MACROD2: variants seen among roughly 807,000 people sequenced by gnomAD.
The protein encoded by MACROD2 is ADP-ribose glycohydrolase MACROD2.
In MACROD2, 36 loss-of-function variants were observed where a neutral mutation model predicts 70.4. The ratio of observed to expected loss-of-function variants is 0.51; its 90% CI spans 0.39 to 0.68. The LOEUF is 0.68. Ranked by LOEUF, MACROD2 falls within the 30% of genes least tolerant of loss-of-function variation. The probability of loss-of-function intolerance (pLI) is 0.00; values close to 1 mark genes in which losing one functional copy is unlikely to be tolerated. For missense variants in MACROD2, 496 were observed against 538.4 expected (o/e 0.92, Z 0.78); for synonymous variants, 172 against 178.8 (o/e 0.96, Z 0.30).
At chr20:14,860,612 C>A (rs1451637288) in intron 5 of MACROD2, among the ~76,000 whole-genome samples, 1 of 152,116 alleles carries the variant, frequency 6.6e-6, no homozygotes, top group Non-Finnish European at 1.5e-5. Flanking sequence ...TCACTGGCCC[C>A]TTTGATGCTT....
intron 10 of MACROD2, among the ~76,000 whole-genome samples, chr20:15,911,312 T>G (rs1389650511): frequency 6.6e-6 from 1 of 152,236 alleles, no homozygotes; most frequent in East Asian, 1.9e-4. Flanking sequence ...CGGTATGCCT[T>G]CTATTCTAGT....
At chr20:15,677,660 AAACCAACCAACCAACC>A (rs775056693) in intron 8 of MACROD2, among the ~76,000 whole-genome samples, 1 of 133,364 alleles carries the variant, frequency 7.5e-6, no homozygotes, top group Non-Finnish European at 1.6e-5. Flanking sequence ...ACCCTCAGGA[AAACCAACCAACCAACC>A]AACCAACCAA....
At chr20:15,547,640 T>C (rs1013848480) in intron 8 of MACROD2, among the ~76,000 whole-genome samples, 7 of 152,254 alleles carry the variant, frequency 4.6e-5, no homozygotes, top group Non-Finnish European at 1.0e-4. Flanking sequence ...TAATGTGTAA[T>C]GTGATCGCAA....
chr20:15,323,961 T>C (rs971057468), intron 6 of MACROD2, among the ~76,000 whole-genome samples: 1 of 152,118 alleles, frequency 6.6e-6, no homozygotes, highest in African/African-American at 2.4e-5. Flanking sequence ...AATACATGAA[T>C]AGGATTGCAG....
rs190463583 is a variant in MACROD2, at chr20:15,921,662, G to A, written c.776-11614G>A. ...AACCTACATTTCCCTTCGTTAGCACGTATCATGACTGAGGATACTATATTT... is the reference window on the plus strand; with the variant it reads ...AACCTACATTTCCCTTCGTTAGCACATATCATGACTGAGGATACTATATTT... On this transcript the variant is annotated intron_variant, in intron 10 of 17. Transcript: ENST00000684519. 2.9e-3 allele frequency among the ~76,000 whole-genome samples: 445 copies of A among 152,292 alleles called. 5 individuals carry two copies. The highest frequency in any genetic ancestry group is 9.9e-3 in the African/African-American group (413 of 41,564).
At chr20:15,220,974 T>A (rs996753135) in intron 5 of MACROD2, among the ~76,000 whole-genome samples, 2 of 151,688 alleles carry the variant, frequency 1.3e-5, no homozygotes, top group East Asian at 3.9e-4. Flanking sequence ...GGCACGGGAG[T>A]GGTAAAGGAA....
rs4632424 is a variant in MACROD2 at position 15,653,549 on chromosome 20, A to G, written c.645+153702A>G. ...CCAACATCTGGTTGGCTCAGTCATA[A>G]AAGTGTTTATTATCTCCGTAAGTCA... On this transcript the variant is annotated intron_variant, in intron 8 of 17. Transcript: ENST00000684519. Among the ~76,000 whole-genome samples, 1,369 of 152,268 alleles carry G rather than the reference A, an allele frequency of 9.0e-3. 22 individuals are homozygous for G. Among genetic ancestry groups the G allele is most frequent in the East Asian group, 0.08 (414 of 5,162 alleles).
At chr20:14,224,127 T>TAA (rs11482009) in intron 3 of MACROD2, among the ~76,000 whole-genome samples, 3 of 152,226 alleles carry the variant, frequency 2.0e-5, no homozygotes, top group Non-Finnish European at 4.4e-5. Flanking sequence ...CAATCACATC[T>TAA]AAAAAACACT....
intron 5 of MACROD2, among the ~76,000 whole-genome samples, chr20:15,175,067 G>A (rs905761192): frequency 6.6e-6 from 1 of 151,948 alleles, no homozygotes; most frequent in Non-Finnish European, 1.5e-5. Context: ...AGAAAATGTG[G>A]CACATATACA....
At chr20:15,893,649 A>G (rs1359461825) in intron 10 of MACROD2, 1 of 454,532 alleles carries the variant, frequency 2.2e-6, no homozygotes, top group Non-Finnish European at 4.4e-6. Flanking sequence ...TAAGAGTAGT[A>G]CAAACTTTTA....
At chr20:14,543,842 GTTTTCTAACATTTCTC>G (rs1400625472) in intron 4 of MACROD2, among the ~76,000 whole-genome samples, 1 of 152,074 alleles carries the variant, frequency 6.6e-6, no homozygotes, top group Non-Finnish European at 1.5e-5. Context: ...ATTTCTCCTC[GTTTTCTAACATTTCTC>G]TTTCCTATCA....
chr20:15,229,324 A>G (rs114582048), intron 5 of MACROD2, among the ~76,000 whole-genome samples: 4,808 of 152,344 alleles, frequency 0.032, 249 homozygotes, highest in African/African-American at 0.11. Flanking sequence ...ATTAACTATT[A>G]ACCTATTAAA....
rs1225184816 is a variant in MACROD2, at chr20:14,590,881, A to C, written c.302-93962A>C. ...TTCAGGTAAATGGTGGATGATTGTT[A>C]CAATCAGTATTACTCAATATATTAA... On this transcript the variant is annotated intron_variant, in intron 4 of 17. Transcript: ENST00000684519. 7.9e-5 allele frequency among the ~76,000 whole-genome samples: 12 copies of C among 152,172 alleles called. No homozygotes were observed. In the East Asian group the frequency reaches 2.3e-3, roughly 29 times the overall value.
At chr20:15,399,314 G>T (rs184581232) in intron 6 of MACROD2, among the ~76,000 whole-genome samples, 2 of 152,318 alleles carry the variant, frequency 1.3e-5, no homozygotes, top group African/African-American at 4.8e-5. Context: ...TTGTCAAGCT[G>T]CAGGGAAATA....
chr20:14,479,035 C>T lies in MACROD2; in HGVS notation c.272-14444C>T, dbSNP rs573659085. 1.2e-3 allele frequency among the ~76,000 whole-genome samples: 188 copies of T among 152,124 alleles called. 2 individuals are homozygous for T. Among genetic ancestry groups the T allele is most frequent in the Non-Finnish European group, 2.4e-3 (162 of 67,974 alleles). The stretch of plus-strand genomic sequence containing the variant: ...ACTTATTGTGGTGGAGATTCCCCTC[C>T]ACACCTCCCTCACCAGCATCTCCCA... On this transcript the variant is annotated intron_variant, in intron 3 of 17. Transcript: ENST00000684519.
intron 8 of MACROD2, among the ~76,000 whole-genome samples, chr20:15,684,536 C>T (rs1416957374): frequency 6.6e-6 from 1 of 152,142 alleles, no homozygotes; most frequent in Admixed American, 6.5e-5. Context: ...AGGGTAAGCT[C>T]ATTTAAAATG....
chr20:15,792,517 G>T (rs1207867895), intron 8 of MACROD2, among the ~76,000 whole-genome samples: 3 of 152,082 alleles, frequency 2.0e-5, no homozygotes, highest in African/African-American at 7.2e-5. Context: ...AAATGGACAA[G>T]TTGCTGAAAA....
At chr20:13,997,615 C>A (rs1189047091) in intron 1 of MACROD2, among the ~76,000 whole-genome samples, 1 of 152,194 alleles carries the variant, frequency 6.6e-6, no homozygotes, top group Non-Finnish European at 1.5e-5. Flanking sequence ...ATTTTAGAAT[C>A]TTTTTTAATG....
chr20:15,695,660 C>T (rs1471211431), intron 8 of MACROD2, among the ~76,000 whole-genome samples: 4 of 152,122 alleles, frequency 2.6e-5, no homozygotes, highest in African/African-American at 4.8e-5. Flanking sequence ...CCACCCGCCT[C>T]GGCCTCTCAA....
Sources: gnomAD v4.1 joint callset for allele counts (sites outside exome capture counted in the v4.1 genomes callset) on GRCh38, gnomAD v4.1.1 for gene constraint, MANE v1.5 for transcripts, NCBI Gene and HGNC (gene_info 2026-07-23, HGNC 2026-07-21) for gene names.